The following IQGAP1 variants were observed in gnomAD, a reference collection of about 807,000 sequenced individuals.
The protein encoded by IQGAP1 is ras GTPase-activating-like protein IQGAP1.
IQGAP1 carries 66 observed loss-of-function variants against 215.6 expected under a neutral mutation model. The ratio of observed to expected loss-of-function variants is 0.31; its 90% CI spans 0.25 to 0.38. IQGAP1 has a LOEUF of 0.38. Ranked by LOEUF, IQGAP1 falls within the 10% of genes least tolerant of loss-of-function variation. IQGAP1 has a pLI of 1.00. For synonymous variants in IQGAP1, 772 were observed against 728.7 expected (o/e 1.06, Z -0.96); for missense variants, 1,712 against 1,997.1 (o/e 0.86, Z 2.72).
chr15:90,461,776 G>A (rs1231109663), intron 15 of IQGAP1, among the ~76,000 whole-genome samples: 1 of 151,502 alleles, frequency 6.6e-6, no homozygotes, highest in African/African-American at 2.4e-5. Context: ...GCAGTAAGCT[G>A]AGATCATACC....
chr15:90,450,926 C>A (rs1965596252), intron 11 of IQGAP1, among the ~76,000 whole-genome samples: 1 of 151,062 alleles, frequency 6.6e-6, no homozygotes, highest in Non-Finnish European at 1.5e-5. Context: ...TGTCTCTTCA[C>A]TTTGTTGTTG....
At chr15:90,453,340 C>T in intron 13 of IQGAP1, 48 bp downstream of exon 13, 1 of 1,437,908 alleles carries the variant, frequency 7.0e-7, no homozygotes, top group South Asian at 1.3e-5. Flanking sequence ...AGCTGTTAAC[C>T]CTGTCTTTTG....
chr15:90,435,143 C>A (rs1270517249), intron 5 of IQGAP1, among the ~76,000 whole-genome samples: 1 of 152,140 alleles, frequency 6.6e-6, no homozygotes, highest in Non-Finnish European at 1.5e-5. Flanking sequence ...TAGCTGAGAA[C>A]TTGTGGATCT....
Position 90,473,962 on chromosome 15 carries a change from G to T in IQGAP1, c.2500G>T (p.Asp834Tyr). 6.2e-7 allele frequency: 1 copy of T among 1,613,976 alleles called. No homozygotes were observed. The highest frequency in any genetic ancestry group is 8.5e-7 in the Non-Finnish European group (1 of 1,179,956). The change falls in exon 21 of 38, where the codon GAC (aspartate) becomes TAC (tyrosine). Residue 834 changes from aspartate to tyrosine, a missense_variant. Asp to Tyr is a radical substitution (Grantham distance 160). This residue lies in a region of IQGAP1 where 1,021 missense variants were observed against 1,074.2 expected (regional missense o/e 0.95). Coordinates refer to ENST00000268182, the MANE Select transcript of IQGAP1 (RefSeq NM_003870.4). ...TCGAGATCGCCTGCAGTACTTCCGGGACCATGTAAGCACCCTTGGATCATA... is the reference window on the plus strand; with the variant it reads ...TCGAGATCGCCTGCAGTACTTCCGGTACCATGTAAGCACCCTTGGATCATA... ...RYRDRLQYFR[D>Y]HINDIIKIQA...
At chr15:90,410,386 C>T (rs1170335556) in intron 2 of IQGAP1, among the ~76,000 whole-genome samples, 9 of 152,132 alleles carry the variant, frequency 5.9e-5, no homozygotes, top group Non-Finnish European at 1.0e-4. Flanking sequence ...CACATGCGCA[C>T]GTATGTTTAC....
chr15:90,425,606 T>C (rs893112974), intron 2 of IQGAP1, among the ~76,000 whole-genome samples: 6 of 152,216 alleles, frequency 3.9e-5, no homozygotes, highest in South Asian at 2.1e-4. Flanking sequence ...TCTTTTAATA[T>C]TTTAGCTGAA....
At chr15:90,474,931 T>G in intron 23 of IQGAP1, 1 of 463,084 alleles carries the variant, frequency 2.2e-6, no homozygotes, top group Non-Finnish European at 3.9e-6. Context: ...TCCCTCAACC[T>G]CCTAAGTATC....
chr15:90,426,867 C>T (rs1246595528), intron 3 of IQGAP1, among the ~76,000 whole-genome samples: 4 of 150,462 alleles, frequency 2.7e-5, no homozygotes, highest in Non-Finnish European at 5.9e-5. Context: ...GCAGGAGAAT[C>T]GCTTGAACCC....
At chr15:90,425,481 CTTTG>C (rs929717039) in intron 2 of IQGAP1, among the ~76,000 whole-genome samples, 3 of 151,796 alleles carry the variant, frequency 2.0e-5, no homozygotes, top group African/African-American at 7.3e-5. Flanking sequence ...TTCTTTTTTT[CTTTG>C]TTTTATTCTT....
At position 90,447,863 on chromosome 15, in the gene IQGAP1, T is replaced by C. The variant is rs1194816449; in HGVS notation, c.914-710T>C. On this transcript the variant is annotated intron_variant, in intron 9 of 37. Transcript: ENST00000268182. Reference sequence around the variant, plus strand: ...GTTTTCATTGTCATGTATTGTATTATAGAGCTTGTGTGACCTCAGGTTCTA... The same window carrying C: ...GTTTTCATTGTCATGTATTGTATTACAGAGCTTGTGTGACCTCAGGTTCTA... Among the ~76,000 whole-genome samples the C allele has an allele frequency of 2.0e-5, 3 of 152,206 alleles. No homozygotes were observed. The East Asian group carries it at 5.8e-4, about 29-fold the overall frequency.
At chr15:90,478,994 A>G (rs947566983) in intron 26 of IQGAP1, among the ~76,000 whole-genome samples, 1 of 152,210 alleles carries the variant, frequency 6.6e-6, no homozygotes, top group South Asian at 2.1e-4. Context: ...CAGAATGCCA[A>G]AACGTTTCTG....
chr15:90,420,309 C>T lies in IQGAP1; in HGVS notation c.156-5801C>T, dbSNP rs569555646. On this transcript the variant is annotated intron_variant, in intron 2 of 37. Transcript: ENST00000268182. ...GGCTTGCTGTCTTTCTCGGTAAGTG[C>T]GAGAGACAGGACATGGAACCAGATC... Among the ~76,000 whole-genome samples the T allele has an allele frequency of 2.0e-5, 3 of 152,164 alleles. No individual in the cohort carries two copies. The South Asian group carries it at 6.2e-4, about 32-fold the overall frequency.
At chr15:90,388,672 G>C (rs996575800) in intron 1 of IQGAP1, among the ~76,000 whole-genome samples, 2 of 152,124 alleles carry the variant, frequency 1.3e-5, no homozygotes, top group East Asian at 3.9e-4. Flanking sequence ...CGCCGCCCAG[G>C]CTCGGCCGAG....
At chr15:90,407,894 A>G (rs1964902513) in intron 2 of IQGAP1, among the ~76,000 whole-genome samples, 1 of 152,260 alleles carries the variant, frequency 6.6e-6, no homozygotes, top group South Asian at 2.1e-4. Flanking sequence ...AATTGAAGAC[A>G]GGGCATAAAC....
In IQGAP1 at chr15:90,462,000, GA is replaced by G. The variant is rs1555439593; in HGVS notation, c.1777-3989del. 1.0e-3 allele frequency among the ~76,000 whole-genome samples: 12 copies of G among 11,566 alleles called. 1 individual carries two copies. The highest frequency in any genetic ancestry group is 4.4e-3 in the South Asian group (1 of 226). 7.6% of individuals were successfully genotyped at this position (11,566 alleles called of 152,430 possible). On this transcript the variant is annotated intron_variant, in intron 15 of 37. Coordinates refer to ENST00000268182, the MANE Select transcript of IQGAP1 (RefSeq NM_003870.4). Reference sequence around the variant, plus strand: ...TAAAAACACAAAAAAAAAAAAAAAAGAAAAAAAAAAAATTAGCCCGGCATGG... The same window carrying G: ...TAAAAACACAAAAAAAAAAAAAAAAGAAAAAAAAAAATTAGCCCGGCATGG...
At chr15:90,428,671 T>G (rs1965260820) in intron 3 of IQGAP1, among the ~76,000 whole-genome samples, 1 of 151,960 alleles carries the variant, frequency 6.6e-6, no homozygotes, top group Non-Finnish European at 1.5e-5. Context: ...TAGTCCCAGC[T>G]ACTCAGGAGG....
At chr15:90,467,146 A>G (rs946382428) in intron 17 of IQGAP1, among the ~76,000 whole-genome samples, 5 of 152,204 alleles carry the variant, frequency 3.3e-5, no homozygotes, top group African/African-American at 7.2e-5. Flanking sequence ...ATGGTTGCAC[A>G]TTTTTTAAGA....
At chr15:90,443,093 G>A (rs765393467) in intron 8 of IQGAP1, among the ~76,000 whole-genome samples, 14 of 152,030 alleles carry the variant, frequency 9.2e-5, no homozygotes, top group Non-Finnish European at 1.9e-4. Flanking sequence ...TGAGTAGCTG[G>A]GACTACAGGC....
At chr15:90,462,512 G>A (rs1260892403) in intron 15 of IQGAP1, among the ~76,000 whole-genome samples, 1 of 152,180 alleles carries the variant, frequency 6.6e-6, no homozygotes, top group Non-Finnish European at 1.5e-5. Flanking sequence ...ATGTGTGTAT[G>A]TGGTATATAT....
Sources: allele counts gnomAD v4.1 joint callset (sites outside exome capture counted in the v4.1 genomes callset), GRCh38; gene constraint gnomAD v4.1.1; regional missense constraint gnomAD v4.1.1; transcripts MANE v1.5; gene names NCBI Gene and HGNC (gene_info 2026-07-23, HGNC 2026-07-21).